The following GRID2 variants were observed in gnomAD, a reference collection of about 807,000 sequenced individuals.
GRID2 encodes the protein glutamate receptor ionotropic, delta-2.
In GRID2, 33 loss-of-function variants were observed where a neutral mutation model predicts 114.8. That is an observed-to-expected ratio of 0.29 (90% CI 0.22 to 0.38). The LOEUF is 0.38. GRID2 is among the 10% of genes least tolerant of loss of function. GRID2 has a pLI of 1.00. For missense variants in GRID2, 1,184 were observed against 1,257.7 expected, an observed-to-expected ratio of 0.94 and a Z score of 0.89; for synonymous variants, 505 against 449.9, an observed-to-expected ratio of 1.12 and a Z score of -1.55.
chr4:92,386,379 C>T (rs1411222941), intron 1 of GRID2, among the ~76,000 whole-genome samples: 6 of 151,652 alleles, frequency 4.0e-5, no homozygotes, highest in Non-Finnish European at 1.5e-5. Context: ...AAAACTAGGG[C>T]TGTGCTATTA....
At chr4:93,016,350 T>A (rs572614539) in intron 2 of GRID2, among the ~76,000 whole-genome samples, 1 of 152,266 alleles carries the variant, frequency 6.6e-6, no homozygotes, top group South Asian at 2.1e-4. Flanking sequence ...TCAGTAACTC[T>A]TCCTGAGTGC....
At chr4:92,847,223 T>C (rs932680687) in intron 2 of GRID2, among the ~76,000 whole-genome samples, 2 of 152,084 alleles carry the variant, frequency 1.3e-5, no homozygotes, top group African/African-American at 4.8e-5. Flanking sequence ...CTGCTTCCTT[T>C]GGAGCCTTGC....
At chr4:93,744,686 T>A (rs891345466) in intron 14 of GRID2, among the ~76,000 whole-genome samples, 2 of 152,304 alleles carry the variant, frequency 1.3e-5, no homozygotes, top group African/African-American at 4.8e-5. Flanking sequence ...TTTCATAAAT[T>A]TAGTTGATAA....
chr4:93,455,212 G>A (rs895996997), intron 10 of GRID2, among the ~76,000 whole-genome samples: 1 of 151,994 alleles, frequency 6.6e-6, no homozygotes, highest in African/African-American at 2.4e-5. Flanking sequence ...TAAACCAATG[G>A]TAAAATGCCA....
At chr4:93,354,345 AACTG>A (rs1432466043) in intron 8 of GRID2, among the ~76,000 whole-genome samples, 10 of 152,146 alleles carry the variant, frequency 6.6e-5, no homozygotes, top group East Asian at 5.8e-4. Flanking sequence ...TTAGACATTA[AACTG>A]ACTAATTATT....
intron 1 of GRID2, among the ~76,000 whole-genome samples, chr4:92,420,998 T>A (rs893370055): frequency 6.6e-6 from 1 of 152,058 alleles, no homozygotes; most frequent in African/African-American, 2.4e-5. Flanking sequence ...ACACTGAAGT[T>A]TTTTTTAATG....
At chr4:93,404,591 C>T (rs561591842) in intron 9 of GRID2, among the ~76,000 whole-genome samples, 6 of 152,162 alleles carry the variant, frequency 3.9e-5, no homozygotes, top group African/African-American at 1.4e-4. Flanking sequence ...ATAACTAGTA[C>T]ATGCAAAGAA....
chr4:93,412,231 C>T (rs565576034), intron 9 of GRID2, among the ~76,000 whole-genome samples: 3 of 135,704 alleles, frequency 2.2e-5, no homozygotes, highest in Admixed American at 1.4e-4. Flanking sequence ...AAGACCCATC[C>T]CCCCCCCCCA....
At chr4:93,562,662 G>T (rs1026330234) in intron 13 of GRID2, among the ~76,000 whole-genome samples, 1 of 152,010 alleles carries the variant, frequency 6.6e-6, no homozygotes, top group African/African-American at 2.4e-5. Context: ...CTTTTATAGT[G>T]TGTGTTTTGC....
Position 93,085,299 on chromosome 4 carries a change from T to C in GRID2, c.529+20T>C. The C allele has an allele frequency of 6.3e-7, 1 of 1,583,550 alleles. No individual in the cohort carries two copies. Among genetic ancestry groups the C allele is most frequent in the East Asian group, 2.2e-5 (1 of 44,514 alleles). ...AATACGGTAAGTGTTTATAATTTGTTTAGGTTTTGTAAGCTGATATTTGCA... is the reference window on the plus strand; with the variant it reads ...AATACGGTAAGTGTTTATAATTTGTCTAGGTTTTGTAAGCTGATATTTGCA... On this transcript the variant is annotated intron_variant, in intron 3 of 15. Transcript: ENST00000282020.
At chr4:92,919,265 G>T (rs1749094075) in intron 2 of GRID2, among the ~76,000 whole-genome samples, 1 of 151,912 alleles carries the variant, frequency 6.6e-6, no homozygotes, top group Admixed American at 6.6e-5. Flanking sequence ...AGTCTTGGTA[G>T]CTGTCTATCA....
intron 2 of GRID2, among the ~76,000 whole-genome samples, chr4:92,867,467 C>T (rs529385034): frequency 6.6e-6 from 1 of 151,928 alleles, no homozygotes; most frequent in African/African-American, 2.4e-5. Context: ...TCCACACATA[C>T]AAAACTAAGA....
At chr4:93,790,448 CATTT>C (rs1266712472) in intron 1 of GRID2, among the ~76,000 whole-genome samples, 2 of 151,888 alleles carry the variant, frequency 1.3e-5, no homozygotes, top group African/African-American at 2.4e-5. Context: ...ACTTCCAAGT[CATTT>C]ATTTTAAACA....
chr4:93,620,463 G>A (rs1742111869), intron 13 of GRID2, among the ~76,000 whole-genome samples: 1 of 152,156 alleles, frequency 6.6e-6, no homozygotes, highest in African/African-American at 2.4e-5. Context: ...TTTGTGGCAT[G>A]GACTTCTGTA....
chr4:92,813,898 A>G (rs1740763686), intron 2 of GRID2, among the ~76,000 whole-genome samples: 1 of 152,086 alleles, frequency 6.6e-6, no homozygotes, highest in African/African-American at 2.4e-5. Context: ...ATCTTACCAT[A>G]TATTTCTAGC....
intron 2 of GRID2, among the ~76,000 whole-genome samples, chr4:93,072,709 TAA>T (rs1253935489): frequency 6.6e-6 from 1 of 151,704 alleles, no homozygotes; most frequent in Non-Finnish European, 1.5e-5. Context: ...TTTTAAACAA[TAA>T]GAAATGGTTA....
At chr4:92,423,978 G>A (rs1732028895) in intron 1 of GRID2, among the ~76,000 whole-genome samples, 1 of 152,012 alleles carries the variant, frequency 6.6e-6, no homozygotes, top group Non-Finnish European at 1.5e-5. Flanking sequence ...GAAGGCTCTG[G>A]GCTTCTATGC....
chr4:92,547,155 T>G (rs565922598), intron 1 of GRID2, among the ~76,000 whole-genome samples: 1 of 152,322 alleles, frequency 6.6e-6, no homozygotes, highest in Admixed American at 6.5e-5. Flanking sequence ...TCATTTTAGT[T>G]AACAATGTTT....
At chr4:93,117,267 G>T (rs551721012) in intron 4 of GRID2, among the ~76,000 whole-genome samples, 8 of 151,936 alleles carry the variant, frequency 5.3e-5, no homozygotes, top group African/African-American at 1.4e-4. Context: ...TAATAATGGC[G>T]ACATTAGTTG....
Sources: allele counts gnomAD v4.1 joint callset (sites outside exome capture counted in the v4.1 genomes callset), GRCh38; gene constraint gnomAD v4.1.1; transcripts MANE v1.5; gene names NCBI Gene and HGNC (gene_info 2026-07-23, HGNC 2026-07-21).